The following ELOVL6 variants were observed in gnomAD, a reference collection of about 807,000 sequenced individuals.
ELOVL6 encodes very long chain fatty acid elongase 6.
A neutral mutation model predicts 31.7 loss-of-function variants in ELOVL6; 8 were observed. The observed-to-expected ratio is 0.25, with a 90% CI of 0.15 to 0.45. The LOEUF (loss-of-function observed/expected upper bound fraction) is 0.45. Among genes scored for constraint, ELOVL6 ranks in the 20% least tolerant of loss-of-function variants. The pLI is 1.00. For missense variants in ELOVL6, 126 were observed against 326.4 expected (o/e 0.39, Z 4.73); for synonymous variants, 101 against 117.7 (o/e 0.86, Z 0.92).
rs944997637 is a variant in ELOVL6 at position 110,049,836 on chromosome 4, A to G, written c.*1502T>C. 1 of 151,466 alleles carries G rather than the reference A, an allele frequency of 6.6e-6. No individual in the cohort carries two copies. The allele number at this position is 151,466 out of a possible 1,614,324, so 9.4% of individuals were successfully genotyped here. ...TCTTTGAAATACTAGAAACATTGACACATGTATTTGGCTTGTAAAGGACTG... is the reference window on the plus strand; with the variant it reads ...TCTTTGAAATACTAGAAACATTGACGCATGTATTTGGCTTGTAAAGGACTG... On this transcript the variant is annotated 3_prime_UTR_variant, in exon 4 of 4. Transcript: ENST00000302274.
At chr4:110,147,586 C>A (rs939302381) in intron 1 of ELOVL6, among the ~76,000 whole-genome samples, 1 of 152,076 alleles carries the variant, frequency 6.6e-6, no homozygotes, top group Admixed American at 6.6e-5. Flanking sequence ...TAACCAAAAA[C>A]CCTCAAATGC....
intron 3 of ELOVL6, among the ~76,000 whole-genome samples, chr4:110,052,593 G>T (rs1029957524): frequency 6.6e-6 from 1 of 152,164 alleles, no homozygotes; most frequent in Non-Finnish European, 1.5e-5. Flanking sequence ...AGCTTCTGAG[G>T]CAGGGAATTT....
intron 1 of ELOVL6, among the ~76,000 whole-genome samples, chr4:110,174,817 A>C (rs1759051503): frequency 6.6e-6 from 1 of 152,196 alleles, no homozygotes; most frequent in South Asian, 2.1e-4. Flanking sequence ...ATTTAGATTT[A>C]GATGCACCTA....
At chr4:110,055,894 C>A (rs1754966453) in intron 3 of ELOVL6, among the ~76,000 whole-genome samples, 1 of 152,122 alleles carries the variant, frequency 6.6e-6, no homozygotes, top group African/African-American at 2.4e-5. Context: ...TAGTGGCCTA[C>A]AACCCCATAA....
intron 1 of ELOVL6, among the ~76,000 whole-genome samples, chr4:110,161,702 G>A (rs116737888): frequency 1.5e-4 from 23 of 152,306 alleles, no homozygotes; most frequent in African/African-American, 5.5e-4. Context: ...ACGTATGTTA[G>A]ATAAGCTTCA....
At chr4:110,111,486 T>C (rs1757034534) in intron 1 of ELOVL6, among the ~76,000 whole-genome samples, 1 of 152,080 alleles carries the variant, frequency 6.6e-6, no homozygotes, top group Admixed American at 6.6e-5. Flanking sequence ...ATAAACTCAT[T>C]GTATTCCTTT....
At chr4:110,193,694 C>G (rs1759692414) in intron 1 of ELOVL6, among the ~76,000 whole-genome samples, 1 of 152,204 alleles carries the variant, frequency 6.6e-6, no homozygotes, top group African/African-American at 2.4e-5. Context: ...CTCAGCTGAA[C>G]AGCATTTAAT....
At chr4:110,107,808 A>T (rs1036071068) in intron 1 of ELOVL6, among the ~76,000 whole-genome samples, 2 of 152,214 alleles carry the variant, frequency 1.3e-5, no homozygotes, top group Non-Finnish European at 2.9e-5. Context: ...AATAAGTGAC[A>T]ATAATCACAT....
chr4:110,178,141 T>A (rs899435453), intron 1 of ELOVL6, among the ~76,000 whole-genome samples: 1 of 152,240 alleles, frequency 6.6e-6, no homozygotes, highest in African/African-American at 2.4e-5. Context: ...TTCTCTCATT[T>A]ACAGTTTGGT....
At chr4:110,197,620 GTCTC>G (rs1759847963) in intron 1 of ELOVL6, among the ~76,000 whole-genome samples, 3 of 151,898 alleles carry the variant, frequency 2.0e-5, no homozygotes, top group African/African-American at 7.3e-5. Flanking sequence ...CTCCCACCCG[GTCTC>G]TCTATGAAAC....
chr4:110,080,572 G>A (rs574785223), intron 2 of ELOVL6, among the ~76,000 whole-genome samples: 1 of 152,306 alleles, frequency 6.6e-6, no homozygotes, highest in South Asian at 2.1e-4. Context: ...CAATAGATTA[G>A]GTATTGATGG....
rs1560815392 is a variant in ELOVL6, at chr4:110,084,435, T to TATATGATATATCGCATATATCATATATC, written c.221+21061_221+21062insGATATATGATATATGCGATATATCATAT. Among the ~76,000 whole-genome samples, 5 of 99,220 alleles carry TATATGATATATCGCATATATCATATATC rather than the reference T, an allele frequency of 5.0e-5. 2 individuals are homozygous for TATATGATATATCGCATATATCATATATC. The highest frequency in any genetic ancestry group is 9.5e-5 in the Non-Finnish European group (5 of 52,846). 65.1% of individuals were successfully genotyped at this position (99,220 alleles called of 152,430 possible). On this transcript the variant is annotated intron_variant, in intron 2 of 3. Coordinates refer to ENST00000302274, the MANE Select transcript of ELOVL6 (RefSeq NM_024090.3). ...CATACATGATATATCACATATATCA[T>TATATGATATATCGCATATATCATATATC]ATATGATATATCGCATATATCATAT...
chr4:110,066,637 CA>C (rs1209180349), intron 2 of ELOVL6, among the ~76,000 whole-genome samples: 395 of 56,560 alleles, frequency 7.0e-3, no homozygotes, highest in Admixed American at 0.024. Flanking sequence ...TCTGTCTCAA[CA>C]AAAAAAAAAA....
At chr4:110,124,322 T>C (rs909709598) in intron 1 of ELOVL6, among the ~76,000 whole-genome samples, 1 of 152,162 alleles carries the variant, frequency 6.6e-6, no homozygotes, top group East Asian at 1.9e-4. Flanking sequence ...CCACTAATGA[T>C]GGACTGGACA....
chr4:110,123,914 G>A (rs375588914), intron 1 of ELOVL6, among the ~76,000 whole-genome samples: 5 of 152,174 alleles, frequency 3.3e-5, no homozygotes, highest in Non-Finnish European at 5.9e-5. Context: ...GAGCATGAAA[G>A]GATCTAGACT....
chr4:110,103,840 T>C (rs1434250547), intron 2 of ELOVL6, among the ~76,000 whole-genome samples: 4 of 152,222 alleles, frequency 2.6e-5, no homozygotes, highest in Non-Finnish European at 5.9e-5. Context: ...GAATCATTTA[T>C]GAGACAACTG....
intron 1 of ELOVL6, among the ~76,000 whole-genome samples, chr4:110,112,578 G>T (rs1454326014): frequency 6.6e-6 from 1 of 152,138 alleles, no homozygotes; most frequent in Admixed American, 6.5e-5. Flanking sequence ...ATCAAACAAA[G>T]AATTAAAATC....
chr4:110,197,023 C>T (rs1217413329), intron 1 of ELOVL6, among the ~76,000 whole-genome samples: 1 of 152,230 alleles, frequency 6.6e-6, no homozygotes, highest in Admixed American at 6.5e-5. Context: ...CCCGCCCAGG[C>T]CACAGGCGCG....
rs1315307863 is a variant in ELOVL6 at position 110,084,330 on chromosome 4, T to A, written c.221+21167A>T. 1.2e-4 allele frequency among the ~76,000 whole-genome samples: 16 copies of A among 137,224 alleles called. 1 individual carries two copies. The highest frequency in any genetic ancestry group is 3.8e-4 in the African/African-American group (14 of 37,278). 90.0% of individuals were successfully genotyped at this position (137,224 alleles called of 152,430 possible). A position where few individuals can be genotyped will look rare whatever the true frequency, so the allele number is the denominator to read the frequency against. ...ACATATAACATATATAAATTTGATA[T>A]ATATCACATATATGATATATGATAT... is the stretch of plus-strand genomic sequence containing the variant. On this transcript the variant is annotated intron_variant, in intron 2 of 3. Coordinates refer to ENST00000302274, the MANE Select transcript of ELOVL6 (RefSeq NM_024090.3).
Sources: gnomAD v4.1 joint callset for allele counts (sites outside exome capture counted in the v4.1 genomes callset) on GRCh38, gnomAD v4.1.1 for gene constraint, MANE v1.5 for transcripts, NCBI Gene and HGNC (gene_info 2026-07-23, HGNC 2026-07-21) for gene names.